Variants in TXNDC16 observed in about 807,000 individuals in gnomAD.
The protein encoded by TXNDC16 is thioredoxin domain containing 16.
TXNDC16 carries 74 observed loss-of-function variants against 85.6 expected under a neutral mutation model. The ratio of observed to expected loss-of-function variants is 0.86; its 90% CI spans 0.72 to 1.05. The LOEUF is 1.05. Ranked by LOEUF, TXNDC16 falls within the 50% of genes least tolerant of loss-of-function variation. The pLI is 0.00. For synonymous variants in TXNDC16, 335 were observed against 326.5 expected, an observed-to-expected ratio of 1.03 and a Z score of -0.28; for missense variants, 959 against 947.0, an observed-to-expected ratio of 1.01 and a Z score of -0.17.
chr14:52,479,735 G>A (rs2036103415), intron 14 of TXNDC16, among the ~76,000 whole-genome samples: 1 of 152,038 alleles, frequency 6.6e-6, no homozygotes, highest in Non-Finnish European at 1.5e-5. Context: ...TTGTGAAAAT[G>A]ACCATACTGC....
intron 9 of TXNDC16, among the ~76,000 whole-genome samples, chr14:52,508,849 T>C (rs1286457473): frequency 1.3e-5 from 2 of 151,756 alleles, no homozygotes; most frequent in Non-Finnish European, 2.9e-5. Flanking sequence ...TTCTTACTTA[T>C]TGACAAAAGA....
intron 7 of TXNDC16, among the ~76,000 whole-genome samples, chr14:52,515,677 G>A (rs71410636): frequency 0.1 from 12,404 of 120,434 alleles, 568 homozygotes; most frequent in East Asian, 0.18. Context: ...ATATGTGTGT[G>A]TGTGTGTGTG....
chr14:52,511,280 T>G lies in TXNDC16; in HGVS notation c.716A>C (p.Asn239Thr), dbSNP rs752695356. 3.8e-6 allele frequency: 6 copies of G among 1,598,530 alleles called. No homozygotes were observed. The highest frequency in any genetic ancestry group is 5.1e-6 in the Non-Finnish European group (6 of 1,170,066). The change falls in exon 9 of 21, where the codon AAC becomes ACC. Residue 239 changes from asparagine (N) to threonine (T), a missense_variant. Asn to Thr is a moderately conservative substitution (Grantham distance 65). Transcript: ENST00000281741. The part of the protein sequence containing the change: ...TLMEQPLTTL[N>T]IHLFIKTMKA... ...CATTGTCTTAATAAACAGGTGAATG[T>G]TCAGTGTAGTCAATGGCTGTTCCAT...
intron 16 of TXNDC16, among the ~76,000 whole-genome samples, chr14:52,464,532 TCAACCGTTGGAGCAA>T (rs1454203068): frequency 2.0e-5 from 3 of 152,200 alleles, no homozygotes; most frequent in Non-Finnish European, 4.4e-5. Flanking sequence ...GAGGACACTG[TCAACCGTTGGAGCAA>T]AAACATTCAA....
At chr14:52,444,888 A>C (rs2035243343) in intron 18 of TXNDC16, among the ~76,000 whole-genome samples, 1 of 152,156 alleles carries the variant, frequency 6.6e-6, no homozygotes, top group African/African-American at 2.4e-5. Flanking sequence ...TCCCTGAATT[A>C]TAAATAAAAC....
intron 9 of TXNDC16, among the ~76,000 whole-genome samples, 157 bp from the exon 10 acceptor site, chr14:52,491,162 C>A (rs1174379395): frequency 6.6e-6 from 1 of 151,810 alleles, no homozygotes; most frequent in African/African-American, 2.4e-5. Context: ...GAATTTAATG[C>A]TCCCAATGCA....
chr14:52,475,840 G>T (rs560944809), intron 14 of TXNDC16, among the ~76,000 whole-genome samples: 2 of 152,224 alleles, frequency 1.3e-5, no homozygotes, highest in African/African-American at 4.8e-5. Flanking sequence ...ATGCTCTCTT[G>T]AAAGTGCCAT....
At chr14:52,539,735 C>T (rs2037786708) in intron 4 of TXNDC16, among the ~76,000 whole-genome samples, 1 of 152,124 alleles carries the variant, frequency 6.6e-6, no homozygotes. Flanking sequence ...AGATGGATTA[C>T]TTATGAGAGA....
intron 1 of TXNDC16, among the ~76,000 whole-genome samples, chr14:52,547,783 A>G (rs2037970129): frequency 6.6e-6 from 1 of 152,196 alleles, no homozygotes; most frequent in Non-Finnish European, 1.5e-5. Flanking sequence ...TTACTCAGAG[A>G]TCCTCAACTT....
chr14:52,514,210 C>T (rs1319278686), intron 8 of TXNDC16, among the ~76,000 whole-genome samples: 1 of 152,116 alleles, frequency 6.6e-6, no homozygotes, highest in African/African-American at 2.4e-5. Context: ...GGGCTTTAAA[C>T]TTTTGTGTGT....
At chr14:52,462,572 C>T (rs771961274) in intron 16 of TXNDC16, among the ~76,000 whole-genome samples, 1 of 152,198 alleles carries the variant, frequency 6.6e-6, no homozygotes, top group Non-Finnish European at 1.5e-5. Flanking sequence ...CTGCCTGCCT[C>T]GGCCTCCCAA....
At chr14:52,529,339 G>A (rs988642858) in intron 6 of TXNDC16, among the ~76,000 whole-genome samples, 1 of 150,438 alleles carries the variant, frequency 6.6e-6, no homozygotes, top group East Asian at 1.9e-4. Context: ...GGAGGAGGGG[G>A]GAGGGATAGC....
At chr14:52,445,233 C>T (rs1381916399) in intron 18 of TXNDC16, among the ~76,000 whole-genome samples, 2 of 152,076 alleles carry the variant, frequency 1.3e-5, no homozygotes, top group Non-Finnish European at 2.9e-5. Flanking sequence ...AATAACATGT[C>T]ATTAATAACA....
chr14:52,502,328 C>A (rs2036677802), intron 9 of TXNDC16, among the ~76,000 whole-genome samples: 1 of 152,244 alleles, frequency 6.6e-6, no homozygotes, highest in Non-Finnish European at 1.5e-5. Context: ...CTACTCCAGA[C>A]TTTGATTAAC....
intron 20 of TXNDC16, among the ~76,000 whole-genome samples, chr14:52,436,625 GT>G (rs763427504): frequency 3.9e-4 from 59 of 152,248 alleles, no homozygotes; most frequent in African/African-American, 1.3e-3. Context: ...TAATATGTTT[GT>G]TAAAACTGCT....
rs1377788597 is a variant in TXNDC16, at chr14:52,530,468, TATATTATTA to T, written c.392+6242_392+6250del. ...TATTATTATATAATAATATATATTATATATTATTATATATAATATTATATATAATAATAT... is the reference window on the plus strand; with the variant it reads ...TATTATTATATAATAATATATATTATTATATAATATTATATATAATAATAT... On this transcript the variant is annotated intron_variant, in intron 6 of 20. Coordinates refer to ENST00000281741, the MANE Select transcript of TXNDC16 (RefSeq NM_020784.3). Among the ~76,000 whole-genome samples the T allele has an allele frequency of 8.4e-3, 37 of 4,416 alleles. 1 individual carries two copies. The highest frequency in any genetic ancestry group is 0.022 in the African/African-American group (32 of 1,470). 2.9% of individuals were successfully genotyped at this position (4,416 alleles called of 152,430 possible). A position where few individuals can be genotyped will look rare whatever the true frequency, so the allele number is the denominator to read the frequency against.
chr14:52,546,451 T>A (rs1466467580), intron 1 of TXNDC16, among the ~76,000 whole-genome samples: 2 of 152,160 alleles, frequency 1.3e-5, no homozygotes, highest in African/African-American at 2.4e-5. Context: ...GCTCCCTCCA[T>A]CCTCCACCTC....
chr14:52,534,793 C>T (rs888145181), intron 6 of TXNDC16, among the ~76,000 whole-genome samples: 1 of 152,202 alleles, frequency 6.6e-6, no homozygotes, highest in African/African-American at 2.4e-5. Flanking sequence ...ACAGAAGCCA[C>T]ATCCTATTCT....
chr14:52,463,429 A>C (rs942107447), intron 16 of TXNDC16, among the ~76,000 whole-genome samples: 3 of 152,198 alleles, frequency 2.0e-5, no homozygotes, highest in Non-Finnish European at 4.4e-5. Flanking sequence ...CTTTGAACTA[A>C]ATTTAATAGA....
Sources: gnomAD v4.1 joint callset for allele counts (sites outside exome capture counted in the v4.1 genomes callset) on GRCh38, gnomAD v4.1.1 for gene constraint, MANE v1.5 for transcripts, NCBI Gene and HGNC (gene_info 2026-07-23, HGNC 2026-07-21) for gene names.